Variants in CNTN4 observed in about 807,000 individuals in gnomAD.
The protein encoded by CNTN4 is contactin 4, also known as contactin-4.
Under a neutral mutation model 122.5 loss-of-function variants are expected in CNTN4, and 77 were observed. That is an observed-to-expected ratio of 0.63 (90% CI 0.52 to 0.76). CNTN4 has a LOEUF of 0.76. CNTN4 is among the 30% of genes least tolerant of loss of function. CNTN4 has a pLI of 0.00. For missense variants in CNTN4, 1,256 were observed against 1,259.1 expected (o/e 1.00, Z 0.04); for synonymous variants, 512 against 447.0 (o/e 1.15, Z -1.83).
intron 2 of CNTN4, among the ~76,000 whole-genome samples, chr3:2,305,831 TCTGC>T (rs2042682562): frequency 6.6e-6 from 1 of 152,170 alleles, no homozygotes; most frequent in Admixed American, 6.5e-5. Flanking sequence ...CAATGTACAA[TCTGC>T]CTGTATAGAT....
chr3:2,504,158 C>G (rs1464088872), intron 3 of CNTN4, among the ~76,000 whole-genome samples: 1 of 151,964 alleles, frequency 6.6e-6, no homozygotes, highest in Admixed American at 6.6e-5. Flanking sequence ...TGAAAGTGAC[C>G]CTAATCTGAG....
chr3:2,916,474 C>T (rs142085160), intron 12 of CNTN4, among the ~76,000 whole-genome samples: 52,950 of 141,238 alleles, frequency 0.37, 10,368 homozygotes, highest in East Asian at 0.62. Context: ...ATCCATTTAA[C>T]CCTGAGTGGA....
chr3:2,245,707 G>T (rs755039222), intron 2 of CNTN4, among the ~76,000 whole-genome samples: 1 of 151,970 alleles, frequency 6.6e-6, no homozygotes, highest in Non-Finnish European at 1.5e-5. Context: ...GTAGACAAAA[G>T]ATTGTAGGGT....
At chr3:2,898,971 G>C (rs1425208505) in intron 10 of CNTN4, among the ~76,000 whole-genome samples, 1 of 152,178 alleles carries the variant, frequency 6.6e-6, no homozygotes, top group Admixed American at 6.5e-5. Flanking sequence ...TCTTTTAAGG[G>C]TGTAGGTTAT....
chr3:2,784,055 G>A (rs556734267), intron 6 of CNTN4, among the ~76,000 whole-genome samples: 2 of 152,114 alleles, frequency 1.3e-5, no homozygotes, highest in African/African-American at 2.4e-5. Context: ...ATGTTAGATT[G>A]TACAGATTGG....
chr3:2,798,366 A>ATATATCTATCTATCTATCT, intron 6 of CNTN4, among the ~76,000 whole-genome samples: 1 of 135,374 alleles, frequency 7.4e-6, no homozygotes, highest in Admixed American at 7.9e-5. Context: ...TACACACATA[A>ATATATCTATCTATCTATCT]ATCTATCTAT....
At chr3:2,239,726 G>A (rs905509344) in intron 2 of CNTN4, among the ~76,000 whole-genome samples, 1 of 152,136 alleles carries the variant, frequency 6.6e-6, no homozygotes, top group East Asian at 1.9e-4. Flanking sequence ...AAGTTACAGG[G>A]ACCAAGGGAG....
chr3:2,491,545 T>A (rs1367516908), intron 3 of CNTN4, among the ~76,000 whole-genome samples: 2 of 152,214 alleles, frequency 1.3e-5, no homozygotes, highest in African/African-American at 4.8e-5. Context: ...GAAGTATTGT[T>A]GCATAATAAG....
In CNTN4 at chr3:2,474,610, A is replaced by G. The variant is rs148490029; in HGVS notation, c.-88-96806A>G. Among the ~76,000 whole-genome samples the G allele has an allele frequency of 1.1e-3, 175 of 152,332 alleles. 1 individual carries two copies. In the Middle Eastern group the frequency reaches 0.014, roughly 12 times the overall value. ...GTAGTAGTAATAATGATAATAGGAA[A>G]TGTAAGGAAAAATAAGGCAGTCTCA... is the stretch of plus-strand genomic sequence containing the variant. On this transcript the variant is annotated intron_variant, in intron 3 of 24. Transcript: ENST00000418658.
At chr3:2,677,780 A>G (rs754613731) in intron 4 of CNTN4, among the ~76,000 whole-genome samples, 1 of 152,150 alleles carries the variant, frequency 6.6e-6, no homozygotes, top group East Asian at 1.9e-4. Context: ...TGGAAGAAAA[A>G]GGAGTGAATG....
intron 4 of CNTN4, among the ~76,000 whole-genome samples, chr3:2,689,243 C>A (rs2149174396): frequency 6.6e-6 from 1 of 152,268 alleles, no homozygotes. Flanking sequence ...GATCTAAATT[C>A]CAGTCAAAGT....
intron 3 of CNTN4, among the ~76,000 whole-genome samples, chr3:2,368,072 G>C (rs1322516876): frequency 6.2e-5 from 8 of 128,914 alleles, no homozygotes; most frequent in African/African-American, 2.5e-4. Context: ...TCGCTCTGTC[G>C]CCCAGGCTGG....
Position 2,907,266 on chromosome 3 carries a change from T to A in CNTN4, c.1207+4261T>A, listed in dbSNP as rs369102933. ...ACAAAGAAACAAAATGGAAACAAGA[T>A]AATCTCTTGTTAAGATTATCTCTTG... is the stretch of plus-strand genomic sequence containing the variant. On this transcript the variant is annotated intron_variant, in intron 12 of 24. Transcript: ENST00000418658. Among the ~76,000 whole-genome samples the A allele has an allele frequency of 1.8e-3, 279 of 152,298 alleles. 11 individuals are homozygous for A. In the South Asian group the frequency reaches 0.057, roughly 31 times the overall value.
At chr3:2,774,543 C>G (rs964391126) in intron 6 of CNTN4, among the ~76,000 whole-genome samples, 1 of 152,152 alleles carries the variant, frequency 6.6e-6, no homozygotes, top group Non-Finnish European at 1.5e-5. Context: ...GCTCTTCACT[C>G]CATTAGCTCC....
intron 2 of CNTN4, among the ~76,000 whole-genome samples, chr3:2,110,786 T>A (rs77862561): frequency 0.018 from 2,780 of 152,280 alleles, 41 homozygotes; most frequent in Non-Finnish European, 0.031. Context: ...ACATCCATTT[T>A]CACTGTTCTC....
intron 3 of CNTN4, among the ~76,000 whole-genome samples, chr3:2,355,057 T>C (rs1200216191): frequency 6.6e-6 from 1 of 152,328 alleles, no homozygotes; most frequent in South Asian, 2.1e-4. Context: ...GTATTAGCTA[T>C]TTAAAGTTGC....
chr3:2,272,613 A>T (rs1057075040), intron 2 of CNTN4, among the ~76,000 whole-genome samples: 2 of 152,178 alleles, frequency 1.3e-5, no homozygotes, highest in Non-Finnish European at 2.9e-5. Context: ...TGAAAACCTC[A>T]TTATTCTTTT....
chr3:2,687,703 C>T (rs1005715358), intron 4 of CNTN4, among the ~76,000 whole-genome samples: 5 of 152,140 alleles, frequency 3.3e-5, no homozygotes, highest in African/African-American at 1.2e-4. Context: ...TCATTCTCTC[C>T]TGCTGATCAT....
chr3:2,638,900 A>G lies in CNTN4; in HGVS notation c.55+67342A>G, dbSNP rs147836813. Among the ~76,000 whole-genome samples, 745 of 152,268 alleles carry G rather than the reference A, an allele frequency of 4.9e-3. 1 individual carries two copies. The highest frequency in any genetic ancestry group is 0.017 in the African/African-American group (724 of 41,558). On this transcript the variant is annotated intron_variant, in intron 4 of 24. Coordinates refer to ENST00000418658, the MANE Select transcript of CNTN4 (RefSeq NM_175607.3). ...TTTAACATATGTTCAGAACCCAACT[A>G]TTAGTTCTCACCACCTTCCATGCTA...
Sources: gnomAD v4.1 joint callset for allele counts (sites outside exome capture counted in the v4.1 genomes callset) on GRCh38, gnomAD v4.1.1 for gene constraint, MANE v1.5 for transcripts, NCBI Gene and HGNC (gene_info 2026-07-23, HGNC 2026-07-21) for gene names.